Variants in FANCB observed in about 807,000 individuals in gnomAD.
FANCB encodes the protein FA complementation group B.
FANCB carries 5 observed loss-of-function variants against 38.9 expected under a neutral mutation model. The observed-to-expected ratio is 0.13, with a 90% confidence interval of 0.07 to 0.27. The LOEUF (loss-of-function observed/expected upper bound fraction) is 0.27. FANCB is among the 10% of genes least tolerant of loss of function. The pLI, the probability that FANCB is intolerant of heterozygous loss-of-function variation, is 1.00. For missense variants in FANCB, 573 were observed against 602.7 expected (o/e 0.95, Z 0.52); for synonymous variants, 236 against 215.4 (o/e 1.10, Z -0.84).
the FANCB span, among the ~76,000 whole-genome samples, chrX:14,824,338 A>T: frequency 8.9e-6 from 1 of 112,092 alleles, no homozygotes; most frequent in African/African-American, 3.2e-5. Flanking sequence ...TCTACCATAC[A>T]ATGGAAACAT....
chrX:14,839,654 G>A (rs1435692626), downstream of FANCB, among the ~76,000 whole-genome samples: 3 of 111,358 alleles, frequency 2.7e-5, no homozygotes. Context: ...CCACTGCCCA[G>A]AAATAAAAGG....
At chrX:14,821,627 C>T in the FANCB span, among the ~76,000 whole-genome samples, 1 of 111,398 alleles carries the variant, frequency 9.0e-6, no homozygotes, top group Non-Finnish European at 1.9e-5. Flanking sequence ...GATGATTATT[C>T]TGGTTCTCTT....
At chrX:14,775,950 C>A in the FANCB span, among the ~76,000 whole-genome samples, 1 of 111,514 alleles carries the variant, frequency 9.0e-6, no homozygotes, top group Non-Finnish European at 1.9e-5. Flanking sequence ...CCACTTCATA[C>A]CAAGTCCTCA....
At chrX:14,833,585 A>G (rs2092332777), downstream of FANCB, among the ~76,000 whole-genome samples, 1 of 110,957 alleles carries the variant, frequency 9.0e-6, no homozygotes, top group Non-Finnish European at 1.9e-5. Context: ...AAATCTGTGA[A>G]GCCCTGCGCC....
chrX:14,767,148 A>T, the FANCB span, among the ~76,000 whole-genome samples: 22 of 112,134 alleles, frequency 2.0e-4, 1 homozygote, highest in Non-Finnish European at 3.8e-5. Flanking sequence ...TGCAATGAAC[A>T]TACACGTGCA....
chrX:14,709,850 G>T, the FANCB span, among the ~76,000 whole-genome samples: 1 of 112,024 alleles, frequency 8.9e-6, no homozygotes, highest in African/African-American at 3.2e-5. Context: ...TTCGGTAACT[G>T]CTAATTTTAA....
chrX:14,815,364 C>A, the FANCB span, among the ~76,000 whole-genome samples: 1 of 100,345 alleles, frequency 1.0e-5, no homozygotes, highest in African/African-American at 4.1e-5. Flanking sequence ...AAAAAGATGC[C>A]ATAAAAGGTA....
chrX:14,717,763 C>A, the FANCB span, among the ~76,000 whole-genome samples: 1 of 107,013 alleles, frequency 9.3e-6, no homozygotes. Context: ...AAAAACCCAT[C>A]GGTCAATAAA....
chrX:14,854,252 C>T (rs1435977160), intron 5 of FANCB, among the ~76,000 whole-genome samples: 1 of 110,981 alleles, frequency 9.0e-6, no homozygotes, highest in Non-Finnish European at 1.9e-5. Flanking sequence ...GGTATGTAGC[C>T]ACAACTGAGC....
the FANCB span, among the ~76,000 whole-genome samples, chrX:14,724,626 C>CAAAA: frequency 2.0e-5 from 1 of 49,617 alleles, no homozygotes; most frequent in Non-Finnish European, 3.3e-5. Flanking sequence ...AACTCTGTCT[C>CAAAA]AAAAAAAAAA....
At chrX:14,850,179 G>A (rs1164124964) in intron 7 of FANCB, among the ~76,000 whole-genome samples, 5 of 110,957 alleles carry the variant, frequency 4.5e-5, no homozygotes, top group East Asian at 2.8e-4. Context: ...GCAAAACTCC[G>A]TGTCTACTAA....
chrX:14,804,540 T>C, the FANCB span, among the ~76,000 whole-genome samples: 1 of 111,275 alleles, frequency 9.0e-6, no homozygotes, highest in African/African-American at 3.3e-5. Flanking sequence ...TGTTAAATGA[T>C]GAGTTACTGG....
chrX:14,847,957 T>C (rs2082372573), intron 7 of FANCB, among the ~76,000 whole-genome samples: 1 of 111,816 alleles, frequency 8.9e-6, no homozygotes, highest in South Asian at 3.7e-4. Context: ...TGCTAATAAA[T>C]GTAATAATTA....
the FANCB span, among the ~76,000 whole-genome samples, chrX:14,769,282 C>T: frequency 9.0e-5 from 10 of 111,378 alleles, no homozygotes; most frequent in South Asian, 7.5e-4. Context: ...GCTGTGAATC[C>T]GTCGGGTCCT....
At chrX:14,796,343 C>T in the FANCB span, among the ~76,000 whole-genome samples, 1 of 104,721 alleles carries the variant, frequency 9.5e-6, no homozygotes, top group African/African-American at 3.4e-5. Flanking sequence ...TCCAGAAAAA[C>T]AGAACCAATA....
the FANCB span, among the ~76,000 whole-genome samples, chrX:14,699,977 GA>G: frequency 9.0e-6 from 1 of 111,655 alleles, no homozygotes; most frequent in East Asian, 2.8e-4. Flanking sequence ...GGGTCTTTTG[GA>G]GGGTGGAGGG....
the FANCB span, among the ~76,000 whole-genome samples, chrX:14,707,164 C>CTT: frequency 8.9e-6 from 1 of 111,771 alleles, no homozygotes; most frequent in Non-Finnish European, 1.9e-5. Context: ...ATAACATATA[C>CTT]TTTTTCTCTC....
chrX:14,691,276 T>A, the FANCB span, among the ~76,000 whole-genome samples: 116 of 8,921 alleles, frequency 0.013, 1 homozygote, highest in African/African-American at 0.027. Context: ...ATTGACTGTG[T>A]GTGTGTGTGT....
the FANCB span, among the ~76,000 whole-genome samples, chrX:14,809,638 G>A: frequency 2.7e-5 from 3 of 112,638 alleles, no homozygotes; most frequent in Non-Finnish European, 1.9e-5. Context: ...AGGGGCGCCC[G>A]CCATTGCCCA....
Sources: gnomAD v4.1 joint callset for allele counts (sites outside exome capture counted in the v4.1 genomes callset) on GRCh38, gnomAD v4.1.1 for gene constraint, MANE v1.5 for transcripts, NCBI Gene and HGNC (gene_info 2026-07-23, HGNC 2026-07-21) for gene names.